RAPGEF5: variants seen among roughly 807,000 people sequenced by gnomAD.
RAPGEF5 encodes the protein M-Ras-regulated GEF.
In RAPGEF5, 65 loss-of-function variants were observed where a neutral mutation model predicts 125.2. The ratio of observed to expected loss-of-function variants is 0.52; its 90% CI spans 0.43 to 0.64. The LOEUF (loss-of-function observed/expected upper bound fraction) is 0.64. Among genes scored for constraint, RAPGEF5 ranks in the 30% least tolerant of loss-of-function variants. The pLI, the probability that RAPGEF5 is intolerant of heterozygous loss-of-function variation, is 0.00. For missense variants in RAPGEF5, 958 were observed against 1,048.1 expected (o/e 0.91, Z 1.19); for synonymous variants, 391 against 385.9 (o/e 1.01, Z -0.16).
At chr7:22,168,468 C>T (rs1276978852) in intron 11 of RAPGEF5, among the ~76,000 whole-genome samples, 1 of 152,186 alleles carries the variant, frequency 6.6e-6, no homozygotes, top group Non-Finnish European at 1.5e-5. Flanking sequence ...GTTATAGCAG[C>T]TTGAGCTGAC....
chr7:22,216,635 TAACTC>T (rs1232657351), intron 9 of RAPGEF5, among the ~76,000 whole-genome samples: 1 of 152,220 alleles, frequency 6.6e-6, no homozygotes, highest in African/African-American at 2.4e-5. Flanking sequence ...AACTCAATGT[TAACTC>T]TACTATCATA....
intron 1 of RAPGEF5, chr7:22,355,900 G>T: frequency 7.4e-6 from 7 of 945,060 alleles, no homozygotes; most frequent in Non-Finnish European, 8.8e-6. Flanking sequence ...AGCCAAACGG[G>T]AAAGAAAAAC....
intron 11 of RAPGEF5, among the ~76,000 whole-genome samples, chr7:22,168,957 G>A (rs1020727862): frequency 2.0e-5 from 3 of 151,994 alleles, no homozygotes; most frequent in African/African-American, 7.3e-5. Flanking sequence ...TAATAAATTC[G>A]ACAAATTTTC....
At chr7:22,356,338 G>T in intron 1 of RAPGEF5, 1 of 851,394 alleles carries the variant, frequency 1.2e-6, no homozygotes, top group Non-Finnish European at 1.4e-6. Flanking sequence ...TCCGACTCCT[G>T]GGTCTGCCCC....
intron 8 of RAPGEF5, among the ~76,000 whole-genome samples, chr7:22,221,228 C>T (rs1785780695): frequency 6.6e-6 from 1 of 152,142 alleles, no homozygotes; most frequent in South Asian, 2.1e-4. Context: ...CTAAAGTTTC[C>T]TTGGACAGGG....
chr7:22,179,191 A>G (rs1784598751), intron 11 of RAPGEF5, among the ~76,000 whole-genome samples: 1 of 152,208 alleles, frequency 6.6e-6, no homozygotes, highest in African/African-American at 2.4e-5. Flanking sequence ...CTATAAGAGT[A>G]GATTTATTAA....
At chr7:22,139,521 C>T (rs1168873450) in intron 21 of RAPGEF5, among the ~76,000 whole-genome samples, 1 of 152,222 alleles carries the variant, frequency 6.6e-6, no homozygotes, top group Non-Finnish European at 1.5e-5. Context: ...CATCTCAGAA[C>T]CCAAACAGCC....
chr7:22,132,958 C>A (rs1161858955), intron 23 of RAPGEF5, among the ~76,000 whole-genome samples: 3 of 152,210 alleles, frequency 2.0e-5, no homozygotes, highest in African/African-American at 7.2e-5. Context: ...GGCTCCCCCT[C>A]ACCACTGCGC....
chr7:22,156,673 T>C (rs1583423644), intron 16 of RAPGEF5, 137 bp downstream of exon 16: 33 of 1,356,534 alleles, frequency 2.4e-5, no homozygotes, highest in Non-Finnish European at 2.9e-5. Context: ...AGAAAAACCA[T>C]GCTGTTTGAG....
At chr7:22,267,059 T>C in intron 6 of RAPGEF5, 47 bp from the exon 7 acceptor site, 2 of 1,537,294 alleles carry the variant, frequency 1.3e-6, no homozygotes, top group East Asian at 2.3e-5. Context: ...AAGAAAAATG[T>C]AGCCATCAAA....
intron 3 of RAPGEF5, among the ~76,000 whole-genome samples, chr7:22,315,035 G>T (rs920562609): frequency 6.6e-6 from 1 of 152,002 alleles, no homozygotes; most frequent in Non-Finnish European, 1.5e-5. Context: ...CCTAAAGAGG[G>T]GATCTATATT....
At chr7:22,206,678 C>A (rs1448810636) in intron 9 of RAPGEF5, among the ~76,000 whole-genome samples, 4 of 137,286 alleles carry the variant, frequency 2.9e-5, no homozygotes, top group African/African-American at 5.5e-5. Context: ...GAGTGAGACC[C>A]ATGTCACAAG....
chr7:22,342,701 A>G (rs1264181583), intron 1 of RAPGEF5, among the ~76,000 whole-genome samples: 3 of 152,206 alleles, frequency 2.0e-5, no homozygotes, highest in African/African-American at 7.2e-5. Context: ...AATCTCTAGG[A>G]CAGGGGCAAA....
At chr7:22,176,796 G>C (rs949030132) in intron 11 of RAPGEF5, among the ~76,000 whole-genome samples, 1 of 152,214 alleles carries the variant, frequency 6.6e-6, no homozygotes, top group Non-Finnish European at 1.5e-5. Flanking sequence ...CTCCCAAAGT[G>C]CTGGGATTAC....
intron 7 of RAPGEF5, among the ~76,000 whole-genome samples, chr7:22,232,453 G>A (rs914970104): frequency 1.4e-4 from 22 of 151,890 alleles, no homozygotes; most frequent in Admixed American, 9.8e-4. Flanking sequence ...CCGAGTGGCT[G>A]GGATTACAGG....
chr7:22,249,904 C>T (rs974143586), intron 7 of RAPGEF5, among the ~76,000 whole-genome samples: 5 of 152,308 alleles, frequency 3.3e-5, no homozygotes, highest in Middle Eastern at 3.4e-3. Flanking sequence ...CCATGAGGTA[C>T]AGCCCAGGAA....
At chr7:22,236,130 A>G (rs1015188601) in intron 7 of RAPGEF5, among the ~76,000 whole-genome samples, 1 of 152,120 alleles carries the variant, frequency 6.6e-6, no homozygotes, top group Non-Finnish European at 1.5e-5. Context: ...TGAACTTGAG[A>G]CTGTTGACTT....
chr7:22,205,355 A>G (rs1256925729), intron 9 of RAPGEF5, among the ~76,000 whole-genome samples: 1 of 152,166 alleles, frequency 6.6e-6, no homozygotes, highest in African/African-American at 2.4e-5. Flanking sequence ...ATATCCAATG[A>G]ACTGGAATCC....
At chr7:22,223,209 C>CT (rs1052189234) in intron 8 of RAPGEF5, among the ~76,000 whole-genome samples, 26 of 152,140 alleles carry the variant, frequency 1.7e-4, no homozygotes, top group African/African-American at 5.5e-4. Flanking sequence ...GAAAAGGAAT[C>CT]TGAGGAGGAG....
Sources: gnomAD v4.1 joint callset for allele counts (sites outside exome capture counted in the v4.1 genomes callset) on GRCh38, gnomAD v4.1.1 for gene constraint, MANE v1.5 for transcripts, NCBI Gene and HGNC (gene_info 2026-07-23, HGNC 2026-07-21) for gene names.